The following PCM1 variants were observed in gnomAD, a reference collection of about 807,000 sequenced individuals.
PCM1 encodes the protein pericentriolar material 1 protein.
A neutral mutation model predicts 241.9 loss-of-function variants in PCM1; 157 were observed. That is an observed-to-expected ratio of 0.65 (90% CI 0.57 to 0.74). PCM1 has a LOEUF of 0.74. Ranked by LOEUF, PCM1 falls within the 30% of genes least tolerant of loss-of-function variation. The probability of loss-of-function intolerance (pLI) is 0.00; values close to 1 mark genes in which losing one functional copy is unlikely to be tolerated. For synonymous variants in PCM1, 1,085 were observed against 784.9 expected, an observed-to-expected ratio of 1.38 and a Z score of -6.39; for missense variants, 3,478 against 2,360.1, an observed-to-expected ratio of 1.47 and a Z score of -9.81.
chr8:17,971,125 A>G (rs1258360513), intron 22 of PCM1, among the ~76,000 whole-genome samples: 3 of 152,246 alleles, frequency 2.0e-5, no homozygotes, highest in African/African-American at 7.2e-5. Flanking sequence ...TTATTTTCAT[A>G]TAATTTTCAT....
At chr8:18,019,672 CCAGTGATCTGA>C (rs2093604624) in intron 36 of PCM1, among the ~76,000 whole-genome samples, 1 of 152,120 alleles carries the variant, frequency 6.6e-6, no homozygotes, top group Non-Finnish European at 1.5e-5. Flanking sequence ...TCTGTTGCCG[CCAGTGATCTGA>C]CAGGAGGCAG....
chr8:17,975,705 T>G (rs1252122629), intron 23 of PCM1, among the ~76,000 whole-genome samples: 1 of 152,160 alleles, frequency 6.6e-6, no homozygotes, highest in Non-Finnish European at 1.5e-5. Context: ...ATATATGTGT[T>G]TTTTGTGCAT....
chr8:18,014,696 A>G lies in PCM1; in HGVS notation c.5697A>G (p.Gln1899=), dbSNP rs375415271. 2.8e-5 allele frequency: 45 copies of G among 1,613,842 alleles called. No homozygotes were observed. The African/African-American group carries it at 5.1e-4, about 18-fold the overall frequency. Residue 1899 remains glutamine, a synonymous_variant, in exon 36 of 39, where the codon CAA becomes CAG. Transcript: ENST00000325083. ...CACCTCCTACTGTTGATTCAACTCAACAGCCTAACCCTTTGCCGTTACGTT... is the reference window on the plus strand; with the variant it reads ...CACCTCCTACTGTTGATTCAACTCAGCAGCCTAACCCTTTGCCGTTACGTT... The part of the protein sequence containing the change: ...KESPPTVDST[Q]QPNPLPLRLP...
intron 15 of PCM1, among the ~76,000 whole-genome samples, chr8:17,960,677 A>T (rs1235954136): frequency 6.6e-6 from 1 of 151,758 alleles, no homozygotes; most frequent in East Asian, 1.9e-4. Flanking sequence ...GGCACCCGCC[A>T]CCATGCCTGG....
intron 24 of PCM1, among the ~76,000 whole-genome samples, chr8:17,981,322 C>CT (rs1321532338): frequency 1.3e-5 from 2 of 152,190 alleles, no homozygotes; most frequent in African/African-American, 4.8e-5. Context: ...CTGCTGGACT[C>CT]TTAATACAAT....
intron 29 of PCM1, among the ~76,000 whole-genome samples, chr8:18,004,342 A>G (rs561614855): frequency 6.6e-6 from 1 of 152,180 alleles, no homozygotes; most frequent in Non-Finnish European, 1.5e-5. Flanking sequence ...TTAGTTGGCT[A>G]AAGTGGCTAG....
Position 17,996,240 on chromosome 8 carries a change from AT to A in PCM1, c.4827+2622del, listed in dbSNP as rs374685451. The stretch of plus-strand genomic sequence containing the variant: ...ACCCAGTTTTTTGAGGGCTTTTATC[AT>A]GAAAGGATGTTGAATTTTATCAAAT... On this transcript the variant is annotated intron_variant, in intron 29 of 38. Transcript: ENST00000325083. Among the ~76,000 whole-genome samples, 12 of 152,276 alleles carry A rather than the reference AT, an allele frequency of 7.9e-5. No homozygotes were observed. In the East Asian group the frequency reaches 1.9e-3, roughly 24 times the overall value.
chr8:17,972,060 A>C (rs1488069289), intron 22 of PCM1, among the ~76,000 whole-genome samples: 1 of 151,990 alleles, frequency 6.6e-6, no homozygotes, highest in African/African-American at 2.4e-5. Context: ...TTTCTTTCCC[A>C]CTGTTTTCCA....
chr8:17,937,740 G>A (rs1050467190), intron 4 of PCM1, among the ~76,000 whole-genome samples: 1 of 152,082 alleles, frequency 6.6e-6, no homozygotes, highest in Non-Finnish European at 1.5e-5. Context: ...GGGATGTGCT[G>A]GGTTACCTCA....
chr8:17,951,098 G>A (rs1299522826), intron 8 of PCM1, among the ~76,000 whole-genome samples: 5 of 152,176 alleles, frequency 3.3e-5, no homozygotes. Flanking sequence ...CCTTCGACTA[G>A]ATACATGGGA....
Position 18,011,673 on chromosome 8 carries a change from C to T in PCM1, c.5357C>T (p.Ser1786Phe). 6.2e-7 allele frequency: 1 copy of T among 1,605,690 alleles called. No individual in the cohort carries two copies. The highest frequency in any genetic ancestry group is 2.2e-5 in the East Asian group (1 of 44,716). Residue 1786 changes from serine to phenylalanine, a missense_variant, in exon 34 of 39, where the codon TCT becomes TTT. By Grantham distance (155) the Ser-to-Phe change is radical. Transcript: ENST00000325083. ...SEGCPVSINLSKAETQALTNY... is the reference protein window; with the variant it reads ...SEGCPVSINLFKAETQALTNY... ...TGTGTATTAATCAACTTAGATTTGT[C>T]TAAAGCTGAAACTCAGGCTTTAACT...
At chr8:17,998,776 C>T (rs924151568) in intron 29 of PCM1, among the ~76,000 whole-genome samples, 3 of 152,134 alleles carry the variant, frequency 2.0e-5, no homozygotes, top group Non-Finnish European at 4.4e-5. Flanking sequence ...GCAGTGAGTT[C>T]CCCCAGGTCC....
chr8:17,996,510 G>A (rs1463184765), intron 29 of PCM1, among the ~76,000 whole-genome samples: 1 of 151,858 alleles, frequency 6.6e-6, no homozygotes, highest in Admixed American at 6.6e-5. Flanking sequence ...TCTGGTTAAT[G>A]GTTTGCCAAT....
At chr8:17,959,774 G>C (rs1284508221) in intron 13 of PCM1, among the ~76,000 whole-genome samples, 2 of 151,968 alleles carry the variant, frequency 1.3e-5, no homozygotes, top group Non-Finnish European at 2.9e-5. Flanking sequence ...TACTGGAATT[G>C]GCCTTTTCCA....
In PCM1 at chr8:17,960,407, A is replaced by C; in HGVS notation, c.2285A>C (p.Lys762Thr). 1 of 1,605,632 alleles carries C rather than the reference A, an allele frequency of 6.2e-7. No homozygotes were observed. Among genetic ancestry groups the C allele is most frequent in the Non-Finnish European group, 8.5e-7 (1 of 1,177,094 alleles). The change falls in exon 15 of 39, where the codon AAA becomes ACA. Residue 762 changes from lysine (K) to threonine (T), a missense_variant. Coordinates refer to ENST00000325083, the MANE Select transcript of PCM1 (RefSeq NM_006197.4). ...AAGAAACTGATTGACATTCAGGAGA[A>C]AATTCAAGCATTGCAAACGGCATGC... ...ERKKLIDIQE[K>T]IQALQTACPD...
intron 7 of PCM1, among the ~76,000 whole-genome samples, chr8:17,948,339 C>G (rs1189199461): frequency 1.0e-5 from 1 of 98,750 alleles, no homozygotes; most frequent in East Asian, 3.4e-4. Context: ...GAGTTTTGCT[C>G]TGTTGCCCAG....
In PCM1 at chr8:17,937,192, T is replaced by G. The variant is rs1008020622; in HGVS notation, c.155T>G (p.Phe52Cys). 1.9e-6 allele frequency: 3 copies of G among 1,596,306 alleles called. No individual in the cohort carries two copies. The highest frequency in any genetic ancestry group is 2.7e-5 in the African/African-American group (2 of 74,632). Reference protein sequence around the residue: ...NRSSEKNKKKFGVESDKRVTN... With the variant: ...NRSSEKNKKKCGVESDKRVTN... ...TCATCAGAAAAGAATAAGAAAAAGT[T>G]TGGTGTAGAAAGTGATAAAAGAGTA... Residue 52 changes from phenylalanine to cysteine, a missense_variant, in exon 4 of 39, where the codon TTT becomes TGT. Coordinates refer to ENST00000325083, the MANE Select transcript of PCM1 (RefSeq NM_006197.4).
At chr8:18,024,272 G>C (rs527661595) in intron 36 of PCM1, among the ~76,000 whole-genome samples, 1 of 152,202 alleles carries the variant, frequency 6.6e-6, no homozygotes, top group East Asian at 1.9e-4. Flanking sequence ...AGGCTGAGGC[G>C]GGAGGATCAC....
At chr8:18,016,050 G>T (rs1297417608) in intron 36 of PCM1, among the ~76,000 whole-genome samples, 2 of 152,088 alleles carry the variant, frequency 1.3e-5, no homozygotes, top group Non-Finnish European at 2.9e-5. Flanking sequence ...CACCACACCC[G>T]GCTAATTTTT....
Sources: allele counts gnomAD v4.1 joint callset (sites outside exome capture counted in the v4.1 genomes callset), GRCh38; gene constraint gnomAD v4.1.1; transcripts MANE v1.5; gene names NCBI Gene and HGNC (gene_info 2026-07-23, HGNC 2026-07-21).